The following MPPED2 variants were observed in gnomAD, a reference collection of about 807,000 sequenced individuals.
MPPED2 encodes metallophosphoesterase domain containing 2, also known as metallophosphoesterase MPPED2.
A neutral mutation model predicts 33.0 loss-of-function variants in MPPED2; 5 were observed. That is an observed-to-expected ratio of 0.15 (90% CI 0.08 to 0.32). The LOEUF (loss-of-function observed/expected upper bound fraction) is 0.32. Ranked by LOEUF, MPPED2 falls within the 10% of genes least tolerant of loss-of-function variation. The pLI is 1.00. For missense variants in MPPED2, 275 were observed against 372.1 expected (o/e 0.74, Z 2.15); for synonymous variants, 136 against 141.9 (o/e 0.96, Z 0.29).
intron 4 of MPPED2, among the ~76,000 whole-genome samples, chr11:30,463,799 C>A (rs1950598390): frequency 1.3e-5 from 2 of 151,978 alleles, no homozygotes; most frequent in South Asian, 4.1e-4. Context: ...CATAAAATTG[C>A]ATGGAACATA....
intron 3 of MPPED2, among the ~76,000 whole-genome samples, chr11:30,501,447 A>C (rs1952557037): frequency 6.6e-6 from 1 of 152,224 alleles, no homozygotes; most frequent in African/African-American, 2.4e-5. Flanking sequence ...ACACAATGCA[A>C]ACACAGCACC....
chr11:30,517,027 A>C (rs1203520386), intron 3 of MPPED2, among the ~76,000 whole-genome samples: 1 of 152,182 alleles, frequency 6.6e-6, no homozygotes, highest in Non-Finnish European at 1.5e-5. Context: ...AAACAACAAC[A>C]AAAAAAGGAA....
At chr11:30,528,829 C>T (rs553711426) in intron 3 of MPPED2, among the ~76,000 whole-genome samples, 93 of 152,138 alleles carry the variant, frequency 6.1e-4, no homozygotes, top group African/African-American at 2.1e-3. Context: ...ATATGTGACA[C>T]GGACTCTCAA....
downstream of MPPED2, chr11:30,410,180 C>T (rs1216391655): frequency 3.9e-5 from 38 of 985,534 alleles, no homozygotes; most frequent in East Asian, 1.1e-4. Flanking sequence ...TTCCCCAGGA[C>T]GAAACTACCA....
chr11:30,459,608 C>A (rs1053448851), intron 4 of MPPED2, among the ~76,000 whole-genome samples: 1 of 152,170 alleles, frequency 6.6e-6, no homozygotes, highest in African/African-American at 2.4e-5. Context: ...TTCAGTATAG[C>A]AGTTTTCAAA....
At chr11:30,399,832 T>G (rs1947885912) in intron 6 of MPPED2, among the ~76,000 whole-genome samples, 1 of 152,242 alleles carries the variant, frequency 6.6e-6, no homozygotes, top group Admixed American at 6.5e-5. Flanking sequence ...TACAAGGATA[T>G]GTACATATTT....
exon 7 of MPPED2, chr11:30,388,951 G>A (rs1397184266): frequency 5.8e-6 from 9 of 1,561,002 alleles, no homozygotes; most frequent in Middle Eastern, 1.7e-4. Flanking sequence ...ATGCTCACAG[G>A]GTTTACTAAA....
At chr11:30,575,040 A>G (rs1455147594) in intron 2 of MPPED2, among the ~76,000 whole-genome samples, 1 of 152,240 alleles carries the variant, frequency 6.6e-6, no homozygotes, top group Non-Finnish European at 1.5e-5. Context: ...ATACAGAACT[A>G]AAACAAACAT....
exon 7 of MPPED2, chr11:30,386,893 C>T: frequency 2.5e-6 from 1 of 397,296 alleles, no homozygotes; most frequent in Non-Finnish European, 4.4e-6. Flanking sequence ...ACTTATTAAG[C>T]ATCTGCCAAA....
chr11:30,446,296 C>T (rs1043736650), intron 4 of MPPED2, among the ~76,000 whole-genome samples: 12 of 152,314 alleles, frequency 7.9e-5, no homozygotes, highest in Admixed American at 7.8e-4. Flanking sequence ...TTCAGCTCAG[C>T]CTGCCTACCA....
intron 4 of MPPED2, among the ~76,000 whole-genome samples, chr11:30,452,391 C>G (rs1950100736): frequency 6.6e-6 from 1 of 152,238 alleles, no homozygotes; most frequent in African/African-American, 2.4e-5. Context: ...CTGTGGCACC[C>G]ATACCTTCTC....
At chr11:30,397,295 C>A (rs1244985179) in intron 6 of MPPED2, among the ~76,000 whole-genome samples, 1 of 152,046 alleles carries the variant, frequency 6.6e-6, no homozygotes, top group African/African-American at 2.4e-5. Flanking sequence ...TTGTTTTTCA[C>A]TTTGGATCTT....
At chr11:30,452,541 A>G (rs1278949732) in intron 4 of MPPED2, among the ~76,000 whole-genome samples, 2 of 152,216 alleles carry the variant, frequency 1.3e-5, no homozygotes, top group Non-Finnish European at 2.9e-5. Flanking sequence ...TGTTTGTGAG[A>G]AATGAAGATT....
chr11:30,534,771 C>T (rs576367301), intron 3 of MPPED2, among the ~76,000 whole-genome samples: 1 of 152,198 alleles, frequency 6.6e-6, no homozygotes, highest in African/African-American at 2.4e-5. Context: ...AAACGACATA[C>T]ACAAACAAAA....
intron 1 of MPPED2, among the ~76,000 whole-genome samples, chr11:30,585,628 C>A (rs1957427954): frequency 6.6e-6 from 1 of 152,060 alleles, no homozygotes; most frequent in African/African-American, 2.4e-5. Context: ...CTCGCCGATA[C>A]CCCCTCCTCT....
chr11:30,465,721 T>G (rs75477116), intron 4 of MPPED2, among the ~76,000 whole-genome samples: 235 of 152,372 alleles, frequency 1.5e-3, no homozygotes, highest in East Asian at 9.4e-3. Context: ...AACAGTACAG[T>G]TGACCCTTGA....
At chr11:30,563,857 T>C (rs1033779564) in intron 2 of MPPED2, among the ~76,000 whole-genome samples, 2 of 152,198 alleles carry the variant, frequency 1.3e-5, no homozygotes, top group Non-Finnish European at 2.9e-5. Flanking sequence ...AATATTGCTA[T>C]GTGTGGGTAT....
chr11:30,438,454 T>C (rs1328326565), intron 4 of MPPED2, among the ~76,000 whole-genome samples: 1 of 152,218 alleles, frequency 6.6e-6, no homozygotes, highest in Non-Finnish European at 1.5e-5. Flanking sequence ...TGAGCTAGGT[T>C]TTGGATGCAA....
intron 4 of MPPED2, among the ~76,000 whole-genome samples, chr11:30,478,176 C>A (rs2134102875): frequency 6.6e-6 from 1 of 152,176 alleles, no homozygotes; most frequent in Middle Eastern, 3.4e-3. Context: ...TGCTTCTGTG[C>A]ACCTCCAAAG....
Sources: allele counts gnomAD v4.1 joint callset (sites outside exome capture counted in the v4.1 genomes callset), GRCh38; gene constraint gnomAD v4.1.1; transcripts MANE v1.5; gene names NCBI Gene and HGNC (gene_info 2026-07-23, HGNC 2026-07-21).